The following SMAD2 variants were observed in gnomAD, a reference collection of about 807,000 sequenced individuals.
SMAD2 encodes the protein SMAD family member 2.
In SMAD2, 8 loss-of-function variants were observed where a neutral mutation model predicts 64.4. The observed-to-expected ratio is 0.12, with a 90% CI of 0.07 to 0.22. The LOEUF (loss-of-function observed/expected upper bound fraction) is 0.22. Ranked by LOEUF, SMAD2 falls within the 10% of genes least tolerant of loss-of-function variation. The pLI is 1.00. For synonymous variants in SMAD2, 203 were observed against 195.8 expected (o/e 1.04, Z -0.31); for missense variants, 289 against 561.2 (o/e 0.51, Z 4.90).
At chr18:47,870,627 CATG>C in intron 2 of SMAD2, 63 bp from the exon 3 acceptor site, 1 of 1,028,486 alleles carries the variant, frequency 9.7e-7, no homozygotes, top group Non-Finnish European at 1.5e-6. Context: ...TTCAAAATAC[CATG>C]ATGTAAAACA....
Position 47,901,143 on chromosome 18 carries a change from GTTTC to G in SMAD2, c.-53-4338_-53-4335del, listed in dbSNP as rs2033667981. Among the ~76,000 whole-genome samples, 2 of 152,094 alleles carry G rather than the reference GTTTC, an allele frequency of 1.3e-5. 1 individual carries two copies. The highest frequency in any genetic ancestry group is 4.1e-4 in the South Asian group (2 of 4,830). On this transcript the variant is annotated intron_variant, in intron 1 of 10. Transcript: ENST00000262160. ...ATCCATTGTGATGGCATATTTGTCT[GTTTC>G]TTTTAGTTCAAAATAAAATTTTTGG...
chr18:47,855,728 T>G (rs1270123467), intron 6 of SMAD2, among the ~76,000 whole-genome samples: 1 of 152,124 alleles, frequency 6.6e-6, no homozygotes, highest in Non-Finnish European at 1.5e-5. Flanking sequence ...CTCAAGCAAT[T>G]TTCTCACCTT....
chr18:47,929,601 G>T (rs1453601884), intron 1 of SMAD2, among the ~76,000 whole-genome samples: 2 of 152,132 alleles, frequency 1.3e-5, no homozygotes, highest in Non-Finnish European at 2.9e-5. Flanking sequence ...CTTTTTTAAA[G>T]GTATGGTTGA....
At chr18:47,928,040 G>T (rs559934488) in intron 1 of SMAD2, among the ~76,000 whole-genome samples, 1 of 152,066 alleles carries the variant, frequency 6.6e-6, no homozygotes, top group South Asian at 2.1e-4. Context: ...AGAAACTAAG[G>T]GCCTAAAAAT....
chr18:47,848,058 A>T (rs925951857), intron 8 of SMAD2, among the ~76,000 whole-genome samples: 4 of 152,286 alleles, frequency 2.6e-5, no homozygotes, highest in Middle Eastern at 3.4e-3. Flanking sequence ...ATTTCATTTA[A>T]TATATAAACT....
chr18:47,909,739 T>C (rs1205846341), intron 1 of SMAD2, among the ~76,000 whole-genome samples: 2 of 152,188 alleles, frequency 1.3e-5, no homozygotes, highest in Non-Finnish European at 2.9e-5. Context: ...GTTCCATCAA[T>C]GCTTTGTCCC....
At chr18:47,892,539 T>C (rs533843425) in intron 2 of SMAD2, among the ~76,000 whole-genome samples, 3 of 152,392 alleles carry the variant, frequency 2.0e-5, no homozygotes, top group Admixed American at 2.0e-4. Context: ...CACTGAATTC[T>C]AGTTTCTGAT....
At chr18:47,879,939 G>A (rs763275511) in intron 2 of SMAD2, among the ~76,000 whole-genome samples, 7 of 152,076 alleles carry the variant, frequency 4.6e-5, no homozygotes, top group East Asian at 1.9e-4. Context: ...GAAGCCTACC[G>A]ATATTACACA....
rs776596173 is a variant in SMAD2, at chr18:47,845,321, C to T, written c.1280+19G>A. 9 of 1,609,884 alleles carry T rather than the reference C, an allele frequency of 5.6e-6. No homozygotes were observed. Among genetic ancestry groups the T allele is most frequent in the East Asian group, 2.2e-5 (1 of 44,864 alleles). ...TAATTACACTGTGGAAATTTAAGAACCAAATATGTATTTCATACCGGTATT... is the reference window on the plus strand; with the variant it reads ...TAATTACACTGTGGAAATTTAAGAATCAAATATGTATTTCATACCGGTATT... On this transcript the variant is annotated intron_variant, in intron 10 of 10. Coordinates refer to ENST00000262160, the MANE Select transcript of SMAD2 (RefSeq NM_005901.6).
chr18:47,851,239 A>T, intron 7 of SMAD2, 35 bp downstream of exon 7: 1 of 1,439,150 alleles, frequency 6.9e-7, no homozygotes, highest in Non-Finnish European at 9.8e-7. Context: ...GTGATACAGT[A>T]TAAAAATGAT....
Position 47,816,742 on chromosome 18 carries a change from C to T in SMAD2, c.*25085G>A, listed in dbSNP as rs1164657123. ...CTTCCTTTACTTCCCTGAATACACA[C>T]GTAGTTTACCATGACATGGGTCTTT... On this transcript the variant is annotated 3_prime_UTR_variant, in exon 11 of 11. Transcript: ENST00000262160. The T allele has an allele frequency of 2.7e-5, 4 of 150,404 alleles. No individual in the cohort carries two copies. The highest frequency in any genetic ancestry group is 2.0e-4 in the East Asian group (1 of 5,102). 9.3% of individuals were successfully genotyped at this position (150,404 alleles called of 1,614,324 possible).
chr18:47,850,587 ATATT>A (rs1461239872), intron 7 of SMAD2, among the ~76,000 whole-genome samples: 1 of 52,630 alleles, frequency 1.9e-5, no homozygotes, highest in Non-Finnish European at 3.0e-5. Context: ...TATTATATAT[ATATT>A]ATATATATTA....
Position 47,827,729 on chromosome 18 carries a change from G to T in SMAD2, c.*14098C>A, listed in dbSNP as rs879540754. ...GCTCCTGACCGCGCATGATCTGCCCGCCTGGGCCTCCCGAGGTGCTGGGAT... is the reference window on the plus strand; with the variant it reads ...GCTCCTGACCGCGCATGATCTGCCCTCCTGGGCCTCCCGAGGTGCTGGGAT... On this transcript the variant is annotated 3_prime_UTR_variant, in exon 11 of 11. Coordinates refer to ENST00000262160, the MANE Select transcript of SMAD2 (RefSeq NM_005901.6). 5.9e-6 allele frequency: 1 copy of T among 169,318 alleles called. No individual in the cohort carries two copies. The highest frequency in any genetic ancestry group is 1.2e-5 in the Non-Finnish European group (1 of 81,178). 10.5% of individuals were successfully genotyped at this position (169,318 alleles called of 1,614,324 possible). A position where few individuals can be genotyped will look rare whatever the true frequency, so the allele number is the denominator to read the frequency against.
chr18:47,895,927 AC>A (rs1304482861), intron 2 of SMAD2, among the ~76,000 whole-genome samples: 1 of 152,228 alleles, frequency 6.6e-6, no homozygotes, highest in Non-Finnish European at 1.5e-5. Flanking sequence ...TAATTAAAAA[AC>A]AATACTTATG....
chr18:47,871,970 T>G (rs2031960321), intron 2 of SMAD2, among the ~76,000 whole-genome samples: 1 of 152,198 alleles, frequency 6.6e-6, no homozygotes, highest in Non-Finnish European at 1.5e-5. Flanking sequence ...CTGCTCTGTA[T>G]CAGAACATTT....
intron 1 of SMAD2, among the ~76,000 whole-genome samples, chr18:47,913,401 T>A (rs1342956206): frequency 2.0e-5 from 3 of 152,338 alleles, no homozygotes; most frequent in Non-Finnish European, 4.4e-5. Flanking sequence ...ATGATTTCAG[T>A]GTCCCATGTC....
intron 6 of SMAD2, among the ~76,000 whole-genome samples, chr18:47,858,497 T>C (rs896256011): frequency 6.6e-6 from 1 of 152,152 alleles, no homozygotes; most frequent in Non-Finnish European, 1.5e-5. Flanking sequence ...TAGGTGAATA[T>C]AAAATACTTC....
At chr18:47,858,608 T>C (rs1276130947) in intron 6 of SMAD2, among the ~76,000 whole-genome samples, 1 of 152,186 alleles carries the variant, frequency 6.6e-6, no homozygotes, top group Non-Finnish European at 1.5e-5. Context: ...GTAAAATACA[T>C]GTCAATAATA....
At chr18:47,849,746 G>A (rs184073560) in intron 7 of SMAD2, among the ~76,000 whole-genome samples, 4 of 152,062 alleles carry the variant, frequency 2.6e-5, no homozygotes, top group South Asian at 4.2e-4. Flanking sequence ...GATGGCTCAC[G>A]CCTGTAATCC....
Sources: gnomAD v4.1 joint callset for allele counts (sites outside exome capture counted in the v4.1 genomes callset) on GRCh38, gnomAD v4.1.1 for gene constraint, MANE v1.5 for transcripts, NCBI Gene and HGNC (gene_info 2026-07-23, HGNC 2026-07-21) for gene names.